The following CADPS2 variants were observed in gnomAD, a reference collection of about 807,000 sequenced individuals.
CADPS2 encodes calcium dependent secretion activator 2.
CADPS2 carries 93 observed loss-of-function variants against 172.5 expected under a neutral mutation model. That is an observed-to-expected ratio of 0.54 (90% CI 0.46 to 0.64). The LOEUF is 0.64. Among genes scored for constraint, CADPS2 ranks in the 30% least tolerant of loss-of-function variants. The probability of loss-of-function intolerance (pLI) is 0.00; values close to 1 mark genes in which losing one functional copy is unlikely to be tolerated. For missense variants in CADPS2, 1,420 were observed against 1,565.9 expected, an observed-to-expected ratio of 0.91 and a Z score of 1.57; for synonymous variants, 546 against 555.2, an observed-to-expected ratio of 0.98 and a Z score of 0.23.
At chr7:122,676,459 T>C (rs1312980075) in intron 2 of CADPS2, 1 of 384,124 alleles carries the variant, frequency 2.6e-6, no homozygotes, top group Non-Finnish European at 4.6e-6. Flanking sequence ...GACATTCATT[T>C]GAAAAATGAG....
Position 122,471,618 on chromosome 7 carries a change from G to GCTT in CADPS2, c.1999-59_1999-57dup. 4 of 1,451,978 alleles carry GCTT rather than the reference G, an allele frequency of 2.8e-6. No individual in the cohort carries two copies. In the South Asian group the frequency reaches 4.2e-5, roughly 15 times the overall value. The allele number at this position is 1,451,978 out of a possible 1,614,324, so 89.9% of individuals were successfully genotyped here. On this transcript the variant is annotated intron_variant, in intron 13 of 29. Transcript: ENST00000449022. Reference sequence around the variant, plus strand: ...GTTTTTTCTTTCTATACTACGATTTGCTTTCCTGAACGCACTTTTAGGCCT... The same window carrying GCTT: ...GTTTTTTCTTTCTATACTACGATTTGCTTCTTTCCTGAACGCACTTTTAGGCCT...
chr7:122,727,762 T>C (rs1376364889), intron 2 of CADPS2, among the ~76,000 whole-genome samples: 1 of 151,970 alleles, frequency 6.6e-6, no homozygotes, highest in East Asian at 1.9e-4. Context: ...AGATATTGTA[T>C]ACAACAATAG....
chr7:122,642,136 C>G (rs1322263084), intron 3 of CADPS2, among the ~76,000 whole-genome samples: 2 of 151,776 alleles, frequency 1.3e-5, no homozygotes, highest in African/African-American at 4.8e-5. Flanking sequence ...AAAAATTAGC[C>G]AGGCATGGTG....
intron 20 of CADPS2, among the ~76,000 whole-genome samples, chr7:122,400,889 T>C (rs529172021): frequency 6.6e-6 from 1 of 152,320 alleles, no homozygotes; most frequent in South Asian, 2.1e-4. Flanking sequence ...TAACCTAATA[T>C]ACAATATGGT....
intron 28 of CADPS2, among the ~76,000 whole-genome samples, chr7:122,340,535 A>G (rs2036611271): frequency 6.6e-6 from 1 of 152,184 alleles, no homozygotes; most frequent in Non-Finnish European, 1.5e-5. Flanking sequence ...TGACAAGAGA[A>G]GTGCTGTTGT....
At chr7:122,659,025 C>A (rs2080179983) in intron 3 of CADPS2, among the ~76,000 whole-genome samples, 2 of 151,984 alleles carry the variant, frequency 1.3e-5, no homozygotes, top group East Asian at 3.9e-4. Flanking sequence ...GCCTTAGTTA[C>A]CTCAGTTCTC....
chr7:122,777,981 C>T (rs1314331537), intron 1 of CADPS2, among the ~76,000 whole-genome samples: 1 of 152,022 alleles, frequency 6.6e-6, no homozygotes, highest in East Asian at 1.9e-4. Flanking sequence ...TGGAATAGTT[C>T]AGAGGGGTCA....
chr7:122,339,670 T>C (rs1362849141), intron 28 of CADPS2, among the ~76,000 whole-genome samples: 2 of 152,186 alleles, frequency 1.3e-5, no homozygotes, highest in Non-Finnish European at 2.9e-5. Context: ...ACAGATCTTC[T>C]GAGGTTAGGA....
intron 1 of CADPS2, chr7:122,850,285 C>T: frequency 1.5e-6 from 1 of 670,096 alleles, no homozygotes; most frequent in Non-Finnish European, 2.3e-6. Flanking sequence ...TCCCCAGCAG[C>T]CTCCTTTCAG....
chr7:122,704,937 A>C (rs1286264337), intron 2 of CADPS2, among the ~76,000 whole-genome samples: 1 of 152,030 alleles, frequency 6.6e-6, no homozygotes, highest in Non-Finnish European at 1.5e-5. Context: ...ATAATAAGAA[A>C]TTATGTGGTC....
chr7:122,461,786 G>T (rs2054477569), intron 14 of CADPS2, among the ~76,000 whole-genome samples: 1 of 151,978 alleles, frequency 6.6e-6, no homozygotes, highest in African/African-American at 2.4e-5. Context: ...AGTAGAGAGG[G>T]GGTTTCAACA....
intron 25 of CADPS2, among the ~76,000 whole-genome samples, chr7:122,363,028 A>G (rs1235036684): frequency 6.7e-6 from 1 of 150,076 alleles, no homozygotes; most frequent in Non-Finnish European, 1.5e-5. Flanking sequence ...ATGCCTAGGG[A>G]AAAAAAATCC....
chr7:122,775,221 C>T lies in CADPS2; in HGVS notation c.340-38153G>A, dbSNP rs2093839913. Among the ~76,000 whole-genome samples, 4 of 152,260 alleles carry T rather than the reference C, an allele frequency of 2.6e-5. No individual in the cohort carries two copies. The South Asian group carries it at 8.3e-4, about 32-fold the overall frequency. ...TTTGTGAAGAGTCTAAGAGTCTAAG[C>T]CTAAGACTAAAGTCTTAGACTATTT... On this transcript the variant is annotated intron_variant, in intron 1 of 29. Coordinates refer to ENST00000449022, the MANE Select transcript of CADPS2 (RefSeq NM_017954.11).
intron 8 of CADPS2, among the ~76,000 whole-genome samples, chr7:122,526,577 G>C (rs957814655): frequency 2.0e-5 from 3 of 152,034 alleles, no homozygotes; most frequent in Non-Finnish European, 4.4e-5. Context: ...TCTTCCAATT[G>C]TTCACATGTA....
intron 2 of CADPS2, among the ~76,000 whole-genome samples, chr7:122,718,641 T>C (rs2089985521): frequency 6.6e-6 from 1 of 152,074 alleles, no homozygotes; most frequent in Admixed American, 6.6e-5. Context: ...ATACAAGAGT[T>C]GGCAGGGAAC....
At chr7:122,651,539 A>T (rs1017363307) in intron 3 of CADPS2, among the ~76,000 whole-genome samples, 3 of 152,182 alleles carry the variant, frequency 2.0e-5, no homozygotes, top group Admixed American at 6.5e-5. Context: ...CTTTTTAACC[A>T]TTCACAAATA....
chr7:122,354,578 T>C (rs2039121427), intron 27 of CADPS2, among the ~76,000 whole-genome samples: 1 of 152,128 alleles, frequency 6.6e-6, no homozygotes, highest in Admixed American at 6.5e-5. Context: ...AACTTTTTTT[T>C]TGGGGGGGAG....
At chr7:122,668,421 A>C (rs963778398) in intron 2 of CADPS2, among the ~76,000 whole-genome samples, 2 of 152,104 alleles carry the variant, frequency 1.3e-5, no homozygotes, top group Non-Finnish European at 2.9e-5. Context: ...AAAAAAAACA[A>C]AAACAAACTG....
intron 1 of CADPS2, among the ~76,000 whole-genome samples, 200 bp downstream of exon 1, chr7:122,885,799 G>A (rs1256702423): frequency 2.6e-5 from 4 of 152,214 alleles, no homozygotes; most frequent in African/African-American, 9.6e-5. Context: ...AGGCGGGGAG[G>A]AGGAGAAGAG....
Sources: allele counts gnomAD v4.1 joint callset (sites outside exome capture counted in the v4.1 genomes callset), GRCh38; gene constraint gnomAD v4.1.1; transcripts MANE v1.5; gene names NCBI Gene and HGNC (gene_info 2026-07-23, HGNC 2026-07-21).